PARN: variants seen among roughly 807,000 people sequenced by gnomAD.
PARN encodes the protein poly(A)-specific ribonuclease PARN.
In PARN, 71 loss-of-function variants were observed where a neutral mutation model predicts 102.8. That is an observed-to-expected ratio of 0.69 (90% CI 0.57 to 0.84). The LOEUF (loss-of-function observed/expected upper bound fraction) is 0.84, where lower values mean the gene tolerates loss of function less well. Ranked by LOEUF, PARN falls within the 40% of genes least tolerant of loss-of-function variation. The pLI, the probability that PARN is intolerant of heterozygous loss-of-function variation, is 0.00. For synonymous variants in PARN, 261 were observed against 252.9 expected (o/e 1.03, Z -0.30); for missense variants, 782 against 760.9 (o/e 1.03, Z -0.33).
At chr16:14,547,876 A>G (rs1374904196) in intron 21 of PARN, among the ~76,000 whole-genome samples, 1 of 152,134 alleles carries the variant, frequency 6.6e-6, no homozygotes, top group Non-Finnish European at 1.5e-5. Flanking sequence ...GCATTTAATG[A>G]TTTTCTCAAT....
intron 21 of PARN, among the ~76,000 whole-genome samples, chr16:14,504,415 C>T (rs1025436825): frequency 1.3e-5 from 2 of 151,828 alleles, no homozygotes; most frequent in African/African-American, 2.4e-5. Context: ...AAAAATTATC[C>T]GGGCATGGTG....
At chr16:14,571,033 G>C (rs930738478) in intron 18 of PARN, among the ~76,000 whole-genome samples, 1 of 151,882 alleles carries the variant, frequency 6.6e-6, no homozygotes, top group Admixed American at 6.6e-5. Flanking sequence ...AAAAAGGAAA[G>C]AAACAGCTTC....
chr16:14,488,294 G>C (rs997355227), intron 21 of PARN, among the ~76,000 whole-genome samples: 1 of 152,172 alleles, frequency 6.6e-6, no homozygotes, highest in African/African-American at 2.4e-5. Flanking sequence ...ATTTGAAAAG[G>C]AAATATAAGT....
chr16:14,616,250 A>T (rs1971895541), intron 6 of PARN, among the ~76,000 whole-genome samples: 1 of 152,222 alleles, frequency 6.6e-6, no homozygotes, highest in African/African-American at 2.4e-5. Flanking sequence ...GCACCCATTT[A>T]TGCATCAAAT....
intron 21 of PARN, among the ~76,000 whole-genome samples, chr16:14,527,523 T>C (rs1966071842): frequency 1.3e-5 from 2 of 152,330 alleles, no homozygotes; most frequent in East Asian, 3.9e-4. Context: ...TGCTGAGTCA[T>C]TGTTTCTAGG....
At chr16:14,592,062 G>A (rs1311636910) in intron 13 of PARN, 1 of 152,054 alleles carries the variant, frequency 6.6e-6, no homozygotes, top group Non-Finnish European at 1.5e-5. Flanking sequence ...ATCCAGATGT[G>A]AGAGAGGGCA....
At chr16:14,544,954 A>G (rs1038077355) in intron 21 of PARN, among the ~76,000 whole-genome samples, 2 of 152,180 alleles carry the variant, frequency 1.3e-5, no homozygotes, top group South Asian at 4.1e-4. Flanking sequence ...TGGGAGGCTG[A>G]GGTGGGAGGA....
At chr16:14,551,855 C>A (rs1161936431) in intron 21 of PARN, among the ~76,000 whole-genome samples, 166 bp downstream of exon 21, 3 of 152,164 alleles carry the variant, frequency 2.0e-5, no homozygotes, top group Non-Finnish European at 4.4e-5. Context: ...CTCATCTATA[C>A]ATGATACTTA....
At chr16:14,587,892 C>T (rs1339530118) in intron 13 of PARN, among the ~76,000 whole-genome samples, 1 of 152,184 alleles carries the variant, frequency 6.6e-6, no homozygotes, top group Non-Finnish European at 1.5e-5. Context: ...TCATTAACTG[C>T]TTACATACAA....
At chr16:14,482,264 G>A (rs781505955) in intron 22 of PARN, among the ~76,000 whole-genome samples, 5 of 152,084 alleles carry the variant, frequency 3.3e-5, no homozygotes, top group African/African-American at 4.8e-5. Context: ...GTGTGGTGGT[G>A]CGTACCTGTA....
At chr16:14,608,177 G>C in intron 9 of PARN, 104 bp downstream of exon 9, 1 of 815,198 alleles carries the variant, frequency 1.2e-6, no homozygotes, top group Non-Finnish European at 2.0e-6. Context: ...TCAAATCACT[G>C]AGAACCGCAG....
At chr16:14,507,676 GA>G (rs796529838) in intron 21 of PARN, among the ~76,000 whole-genome samples, 451 of 146,918 alleles carry the variant, frequency 3.1e-3, no homozygotes, top group African/African-American at 7.2e-3. Flanking sequence ...GTGACAGGGG[GA>G]AAAAAAAAAG....
chr16:14,546,135 G>A (rs958189599), intron 21 of PARN, among the ~76,000 whole-genome samples: 3 of 152,194 alleles, frequency 2.0e-5, no homozygotes, highest in African/African-American at 4.8e-5. Context: ...TATCACTACA[G>A]ATTCTGCAAA....
intron 18 of PARN, among the ~76,000 whole-genome samples, chr16:14,556,387 T>C (rs1413260821): frequency 6.6e-6 from 1 of 151,944 alleles, no homozygotes; most frequent in Non-Finnish European, 1.5e-5. Context: ...CTCTAACTCC[T>C]GACCTCAAGT....
chr16:14,617,975 G>A (rs1023326863), intron 5 of PARN, among the ~76,000 whole-genome samples: 2 of 151,990 alleles, frequency 1.3e-5, no homozygotes, highest in South Asian at 2.1e-4. Flanking sequence ...CCAAAGTGCT[G>A]GGATTACAGA....
intron 12 of PARN, among the ~76,000 whole-genome samples, chr16:14,599,166 C>T (rs1334988481): frequency 6.6e-6 from 1 of 151,680 alleles, no homozygotes; most frequent in Non-Finnish European, 1.5e-5. Context: ...CCTCAGCCTC[C>T]CAAGTAGCTG....
At chr16:14,463,841 G>GC (rs1962148586) in intron 22 of PARN, among the ~76,000 whole-genome samples, 2 of 142,626 alleles carry the variant, frequency 1.4e-5, no homozygotes, top group South Asian at 4.6e-4. Flanking sequence ...TTTTTTTTGG[G>GC]GGGGGGGGGA....
intron 21 of PARN, among the ~76,000 whole-genome samples, chr16:14,500,584 C>G (rs1964536419): frequency 6.6e-6 from 1 of 152,130 alleles, no homozygotes; most frequent in Non-Finnish European, 1.5e-5. Context: ...ATAAAGTACT[C>G]TCTACATTTC....
intron 21 of PARN, among the ~76,000 whole-genome samples, chr16:14,536,389 G>A (rs1413713274): frequency 6.6e-6 from 1 of 152,106 alleles, no homozygotes; most frequent in Non-Finnish European, 1.5e-5. Context: ...AAAAGCCTCA[G>A]AAATAAGGAT....
Sources: gnomAD v4.1 joint callset for allele counts (sites outside exome capture counted in the v4.1 genomes callset) on GRCh38, gnomAD v4.1.1 for gene constraint, MANE v1.5 for transcripts, NCBI Gene and HGNC (gene_info 2026-07-23, HGNC 2026-07-21) for gene names.